Variants in NRG1 observed in about 807,000 individuals in gnomAD.
NRG1 encodes neuregulin 1.
Under a neutral mutation model 63.8 loss-of-function variants are expected in NRG1, and 18 were observed. That is an observed-to-expected ratio of 0.28 (90% CI 0.19 to 0.42). The LOEUF (loss-of-function observed/expected upper bound fraction) is 0.42. NRG1 is among the 10% of genes least tolerant of loss of function. The pLI is 1.00. For synonymous variants in NRG1, 302 were observed against 301.3 expected, an observed-to-expected ratio of 1.00 and a Z score of -0.02; for missense variants, 762 against 814.7, an observed-to-expected ratio of 0.94 and a Z score of 0.79.
chr8:31,643,448 C>T (rs1237930864), intron 1 of NRG1, among the ~76,000 whole-genome samples: 2 of 152,204 alleles, frequency 1.3e-5, no homozygotes, highest in African/African-American at 4.8e-5. Flanking sequence ...AAAAATCTTT[C>T]CTCTTGAAAT....
chr8:32,511,027 G>A (rs1167776829), intron 1 of NRG1, among the ~76,000 whole-genome samples: 1 of 149,110 alleles, frequency 6.7e-6, no homozygotes, highest in Non-Finnish European at 1.5e-5. Flanking sequence ...AAATCTCTGG[G>A]GAGAGGATCC....
chr8:32,498,380 C>T (rs1005264200), intron 1 of NRG1, among the ~76,000 whole-genome samples: 24 of 152,188 alleles, frequency 1.6e-4, no homozygotes, highest in Admixed American at 6.5e-5. Context: ...GTTTGACTCA[C>T]AGTTCTGCAG....
At chr8:31,668,446 G>A (rs751782831) in intron 1 of NRG1, among the ~76,000 whole-genome samples, 1 of 152,078 alleles carries the variant, frequency 6.6e-6, no homozygotes, top group Non-Finnish European at 1.5e-5. Flanking sequence ...TCTTTGTCTT[G>A]GATTTCCTTT....
At chr8:32,648,075 G>T (rs780897543) in intron 5 of NRG1, 1 of 1,613,956 alleles carries the variant, frequency 6.2e-7, no homozygotes, top group Non-Finnish European at 8.5e-7. Flanking sequence ...GTTAGGCCAG[G>T]ACCCTATTAT....
intron 1 of NRG1, among the ~76,000 whole-genome samples, chr8:32,041,004 A>G (rs145964523): frequency 0.022 from 3,293 of 151,932 alleles, 122 homozygotes; most frequent in Admixed American, 0.089. Context: ...TGGTATCTAC[A>G]TAAATGATTA....
intron 1 of NRG1, among the ~76,000 whole-genome samples, chr8:32,415,850 G>C (rs1815835779): frequency 6.6e-6 from 1 of 152,166 alleles, no homozygotes; most frequent in African/African-American, 2.4e-5. Context: ...GGCTGGCCAA[G>C]TACATGTTAA....
At chr8:32,182,124 A>T (rs1841494232) in intron 1 of NRG1, among the ~76,000 whole-genome samples, 1 of 152,190 alleles carries the variant, frequency 6.6e-6, no homozygotes, top group Non-Finnish European at 1.5e-5. Context: ...CATTATGAAA[A>T]AGAGGAGCTG....
chr8:32,368,576 C>T (rs1191718636), intron 1 of NRG1, among the ~76,000 whole-genome samples: 2 of 152,070 alleles, frequency 1.3e-5, no homozygotes, highest in Admixed American at 1.3e-4. Context: ...CAAAACAAAG[C>T]AAAACAAAAG....
chr8:32,109,109 C>T (rs1178858052), intron 1 of NRG1, among the ~76,000 whole-genome samples: 1 of 152,146 alleles, frequency 6.6e-6, no homozygotes, highest in Non-Finnish European at 1.5e-5. Flanking sequence ...GAGAATTATA[C>T]TTAAGTGTCT....
At chr8:32,292,131 A>G (rs531717413) in intron 1 of NRG1, among the ~76,000 whole-genome samples, 1 of 152,306 alleles carries the variant, frequency 6.6e-6, no homozygotes, top group East Asian at 1.9e-4. Flanking sequence ...AACCATCTAC[A>G]AAAATGAAGA....
chr8:32,009,156 T>C, intron 1 of NRG1, among the ~76,000 whole-genome samples: 1 of 152,076 alleles, frequency 6.6e-6, no homozygotes, highest in East Asian at 1.9e-4. Context: ...GAGAAATTTG[T>C]GTTGTATAAT....
At chr8:31,906,898 T>C (rs1397278434) in intron 1 of NRG1, among the ~76,000 whole-genome samples, 2 of 152,144 alleles carry the variant, frequency 1.3e-5, no homozygotes, top group South Asian at 2.1e-4. Context: ...AATCTCAGTC[T>C]ATGAAAAAGA....
At chr8:31,660,112 A>G (rs1467755608) in intron 1 of NRG1, among the ~76,000 whole-genome samples, 1 of 152,202 alleles carries the variant, frequency 6.6e-6, no homozygotes, top group Non-Finnish European at 1.5e-5. Context: ...TAGAAATGAA[A>G]CGCAACGTAT....
intron 1 of NRG1, among the ~76,000 whole-genome samples, chr8:32,178,463 A>T (rs1162854281): frequency 6.6e-6 from 1 of 152,124 alleles, no homozygotes; most frequent in African/African-American, 2.4e-5. Context: ...TACAAAAATT[A>T]GCTGGGTGTG....
At chr8:31,854,387 G>A (rs184409468) in intron 1 of NRG1, among the ~76,000 whole-genome samples, 1 of 152,326 alleles carries the variant, frequency 6.6e-6, no homozygotes, top group East Asian at 1.9e-4. Flanking sequence ...TAGATTTCTA[G>A]TTTATTTGCG....
At chr8:32,327,071 C>T (rs979056237) in intron 1 of NRG1, among the ~76,000 whole-genome samples, 8 of 152,036 alleles carry the variant, frequency 5.3e-5, no homozygotes, top group African/African-American at 1.9e-4. Flanking sequence ...TGTGCTGGAC[C>T]GAAATGTCTC....
intron 1 of NRG1, among the ~76,000 whole-genome samples, chr8:31,643,282 G>A (rs547708709): frequency 1.3e-5 from 2 of 152,318 alleles, no homozygotes; most frequent in African/African-American, 2.4e-5. Flanking sequence ...CATAATGCTA[G>A]GCTGGAGAAG....
intron 1 of NRG1, among the ~76,000 whole-genome samples, chr8:31,767,963 C>T (rs976741737): frequency 1.3e-5 from 2 of 151,868 alleles, no homozygotes; most frequent in Non-Finnish European, 2.9e-5. Flanking sequence ...CGGTCAAATT[C>T]CTTAATCTTA....
intron 1 of NRG1, among the ~76,000 whole-genome samples, chr8:32,086,287 C>G (rs1828209887): frequency 6.6e-6 from 1 of 152,178 alleles, no homozygotes. Context: ...TTTTGGTCCA[C>G]ACAAATCACA....
Sources: gnomAD v4.1 joint callset for allele counts (sites outside exome capture counted in the v4.1 genomes callset) on GRCh38, gnomAD v4.1.1 for gene constraint, MANE v1.5 for transcripts, NCBI Gene and HGNC (gene_info 2026-07-23, HGNC 2026-07-21) for gene names.